PPFIA2: variants seen among roughly 807,000 people sequenced by gnomAD.
PPFIA2 encodes the protein liprin-alpha-2.
Under a neutral mutation model 175.5 loss-of-function variants are expected in PPFIA2, and 46 were observed. The ratio of observed to expected loss-of-function variants is 0.26; its 90% CI spans 0.21 to 0.34. The LOEUF (loss-of-function observed/expected upper bound fraction) is 0.34, where lower values mean the gene tolerates loss of function less well. Ranked by LOEUF, PPFIA2 falls within the 10% of genes least tolerant of loss-of-function variation. The pLI is 1.00. For missense variants in PPFIA2, 1,179 were observed against 1,506.1 expected, an observed-to-expected ratio of 0.78 and a Z score of 3.60; for synonymous variants, 568 against 511.4, an observed-to-expected ratio of 1.11 and a Z score of -1.49.
In PPFIA2 at chr12:81,436,613, T is replaced by TA. The variant is rs1418523796; in HGVS notation, c.645+3358dup. On this transcript the variant is annotated intron_variant, in intron 7 of 32. Coordinates refer to ENST00000549396, the MANE Select transcript of PPFIA2 (RefSeq NM_003625.5). ...TATCATCAATACATGATGCTTTACT[T>TA]ACAGTGATTTCTTATACCAATTGCT... is the stretch of plus-strand genomic sequence containing the variant. 5.3e-5 allele frequency among the ~76,000 whole-genome samples: 8 copies of TA among 152,300 alleles called. 1 individual carries two copies. The South Asian group carries it at 8.3e-4, about 16-fold the overall frequency.
chr12:81,617,867 G>A lies in PPFIA2; in HGVS notation c.303+58924C>T, dbSNP rs539435159. On this transcript the variant is annotated intron_variant, in intron 4 of 32. Coordinates refer to ENST00000549396, the MANE Select transcript of PPFIA2 (RefSeq NM_003625.5). ...CTGTGTAGAGTTTCCACTGTAGTGG[G>A]GAGAAGTGCAGAAAAACATGTAAAA... is the stretch of plus-strand genomic sequence containing the variant. Among the ~76,000 whole-genome samples, 6 of 152,310 alleles carry A rather than the reference G, an allele frequency of 3.9e-5. No homozygotes were observed. In the South Asian group the frequency reaches 1.2e-3, roughly 32 times the overall value.
intron 3 of PPFIA2, among the ~76,000 whole-genome samples, chr12:81,743,433 A>C (rs1486145319): frequency 1.3e-5 from 2 of 149,358 alleles, no homozygotes; most frequent in African/African-American, 5.0e-5. Context: ...AAAAAAAAAA[A>C]AAAAAAAAAA....
intron 3 of PPFIA2, among the ~76,000 whole-genome samples, chr12:81,683,243 T>C (rs1252114270): frequency 6.6e-6 from 1 of 152,030 alleles, no homozygotes; most frequent in African/African-American, 2.4e-5. Context: ...ACTAAGTCTA[T>C]TGTAAAAATA....
At chr12:81,289,673 T>C (rs1036765273) in intron 24 of PPFIA2, among the ~76,000 whole-genome samples, 1 of 151,806 alleles carries the variant, frequency 6.6e-6, no homozygotes, top group Non-Finnish European at 1.5e-5. Context: ...ACTAGAGAAA[T>C]TAAACATGTT....
At chr12:81,378,013 A>T (rs572948617) in intron 9 of PPFIA2, 1 of 152,446 alleles carries the variant, frequency 6.6e-6, no homozygotes, top group African/African-American at 2.4e-5. Context: ...GGACACAGAG[A>T]TATACCGGGA....
intron 4 of PPFIA2, among the ~76,000 whole-genome samples, chr12:81,657,361 T>C (rs530058387): frequency 9.8e-5 from 15 of 152,298 alleles, no homozygotes; most frequent in African/African-American, 3.4e-4. Context: ...CCAAAAGAGA[T>C]AGAATGCAGT....
intron 4 of PPFIA2, among the ~76,000 whole-genome samples, chr12:81,521,781 C>CT (rs1401808971): frequency 6.6e-6 from 1 of 150,688 alleles, no homozygotes; most frequent in Non-Finnish European, 1.5e-5. Flanking sequence ...GATCGCGCCG[C>CT]TGCACTCCAG....
intron 4 of PPFIA2, among the ~76,000 whole-genome samples, chr12:81,494,575 C>G (rs1269400982): frequency 2.0e-5 from 3 of 151,606 alleles, no homozygotes; most frequent in Non-Finnish European, 4.4e-5. Flanking sequence ...ACCATTTGAC[C>G]CAGCCATCCC....
intron 4 of PPFIA2, among the ~76,000 whole-genome samples, chr12:81,575,622 T>C (rs1316384880): frequency 1.3e-5 from 2 of 151,634 alleles, no homozygotes; most frequent in Admixed American, 6.6e-5. Context: ...AAACAATATA[T>C]ATAAATGTAT....
intron 22 of PPFIA2, among the ~76,000 whole-genome samples, chr12:81,315,650 C>T (rs1020874262): frequency 6.6e-6 from 1 of 151,652 alleles, no homozygotes; most frequent in Non-Finnish European, 1.5e-5. Flanking sequence ...GAGTGTCTGA[C>T]TTGGGGTAAT....
intron 4 of PPFIA2, among the ~76,000 whole-genome samples, chr12:81,576,626 CA>C (rs2073601329): frequency 6.6e-6 from 1 of 151,754 alleles, no homozygotes; most frequent in Non-Finnish European, 1.5e-5. Flanking sequence ...TCTAATATCA[CA>C]AACCCAAAAG....
intron 22 of PPFIA2, among the ~76,000 whole-genome samples, chr12:81,315,032 A>G (rs186478210): frequency 2.2e-4 from 34 of 151,814 alleles, no homozygotes; most frequent in Middle Eastern, 3.4e-3. Context: ...CTACAATAAG[A>G]CAGATGGGGC....
chr12:81,445,736 G>C lies in PPFIA2; in HGVS notation c.406-16C>G. 3 of 1,605,630 alleles carry C rather than the reference G, an allele frequency of 1.9e-6. No individual in the cohort carries two copies. Among genetic ancestry groups the C allele is most frequent in the Non-Finnish European group, 2.6e-6 (3 of 1,176,258 alleles). On this transcript the variant is annotated splice_polypyrimidine_tract_variant and intron_variant, in intron 5 of 32. Transcript: ENST00000549396. ...CCAGTAATAGCTATTGGGTTTAACA[G>C]AAAATGCAATTATCTTATGAATACA...
At chr12:81,427,610 A>C (rs769406914) in intron 7 of PPFIA2, among the ~76,000 whole-genome samples, 4 of 151,962 alleles carry the variant, frequency 2.6e-5, no homozygotes, top group Non-Finnish European at 4.4e-5. Context: ...TCAAAATACA[A>C]AAAAAAGGAG....
At chr12:81,462,357 T>C (rs1348777423) in intron 4 of PPFIA2, among the ~76,000 whole-genome samples, 1 of 144,950 alleles carries the variant, frequency 6.9e-6, no homozygotes, top group Non-Finnish European at 1.5e-5. Flanking sequence ...TAGTTGTGAC[T>C]GATCTAATTC....
chr12:81,292,913 G>C (rs2045434490), intron 24 of PPFIA2: 1 of 151,788 alleles, frequency 6.6e-6, no homozygotes, highest in African/African-American at 2.4e-5. Context: ...CATTTAGGAA[G>C]AACTTAAAAT....
chr12:81,432,841 A>G (rs1364426055), intron 7 of PPFIA2, among the ~76,000 whole-genome samples: 2 of 152,174 alleles, frequency 1.3e-5, no homozygotes, highest in African/African-American at 4.8e-5. Flanking sequence ...AAGATGCCCA[A>G]TAAGTATTTG....
chr12:81,548,983 G>A (rs903480548), intron 4 of PPFIA2, among the ~76,000 whole-genome samples: 16 of 152,036 alleles, frequency 1.1e-4, no homozygotes, highest in African/African-American at 3.1e-4. Context: ...GCTTTCATTG[G>A]TAAGCTTTTT....
At chr12:81,539,574 C>T (rs1163567360) in intron 4 of PPFIA2, among the ~76,000 whole-genome samples, 1 of 151,840 alleles carries the variant, frequency 6.6e-6, no homozygotes, top group Admixed American at 6.6e-5. Context: ...TCAGTGGGGC[C>T]CAGCAATTTG....
Sources: allele counts gnomAD v4.1 joint callset (sites outside exome capture counted in the v4.1 genomes callset), GRCh38; gene constraint gnomAD v4.1.1; transcripts MANE v1.5; gene names NCBI Gene and HGNC (gene_info 2026-07-23, HGNC 2026-07-21).